The following RORA variants were observed in gnomAD, a reference collection of about 807,000 sequenced individuals.
RORA encodes RAR related orphan receptor A, also known as nuclear receptor ROR-alpha.
Under a neutral mutation model 69.5 loss-of-function variants are expected in RORA, and 7 were observed. That is an observed-to-expected ratio of 0.10 (90% CI 0.06 to 0.19). The LOEUF (loss-of-function observed/expected upper bound fraction) is 0.19. RORA is among the 10% of genes least tolerant of loss of function. The pLI, the probability that RORA is intolerant of heterozygous loss-of-function variation, is 1.00. For synonymous variants in RORA, 261 were observed against 240.8 expected, an observed-to-expected ratio of 1.08 and a Z score of -0.78; for missense variants, 457 against 663.0, an observed-to-expected ratio of 0.69 and a Z score of 3.41.
chr15:61,124,446 G>A (rs2140826517), intron 1 of RORA, among the ~76,000 whole-genome samples: 1 of 152,252 alleles, frequency 6.6e-6, no homozygotes, highest in South Asian at 2.1e-4. Flanking sequence ...AGAGCAGAGT[G>A]TGGAGTCTCA....
chr15:60,941,718 C>T (rs1003243585), intron 1 of RORA, among the ~76,000 whole-genome samples: 2 of 152,196 alleles, frequency 1.3e-5, no homozygotes, highest in Non-Finnish European at 2.9e-5. Context: ...CACTTTTTTA[C>T]GCAATTATGA....
chr15:61,189,780 C>A (rs1442607838), intron 1 of RORA, among the ~76,000 whole-genome samples: 2 of 129,402 alleles, frequency 1.5e-5, no homozygotes. Context: ...TGGCATGAAC[C>A]CAGGAGGCGG....
intron 1 of RORA, among the ~76,000 whole-genome samples, chr15:61,051,682 G>A (rs1365377848): frequency 1.3e-5 from 2 of 152,194 alleles, no homozygotes; most frequent in Non-Finnish European, 2.9e-5. Flanking sequence ...GCATCCCAGA[G>A]AGTGGGAGAG....
At chr15:61,186,395 C>T (rs901081418) in intron 1 of RORA, among the ~76,000 whole-genome samples, 6 of 152,028 alleles carry the variant, frequency 3.9e-5, no homozygotes, top group African/African-American at 1.4e-4. Flanking sequence ...AATCCCAGCA[C>T]TTTGGGAGGC....
At chr15:60,527,528 C>T (rs1265187117) in intron 3 of RORA, among the ~76,000 whole-genome samples, 1 of 152,122 alleles carries the variant, frequency 6.6e-6, no homozygotes, top group Non-Finnish European at 1.5e-5. Flanking sequence ...CACGTTATGC[C>T]CCCTCATCAT....
intron 1 of RORA, among the ~76,000 whole-genome samples, chr15:61,220,332 C>T (rs2080083698): frequency 1.3e-5 from 2 of 152,204 alleles, no homozygotes; most frequent in Non-Finnish European, 2.9e-5. Context: ...CCTGAGAGTA[C>T]ATGCTGTATT....
chr15:61,205,644 G>C (rs879681528), intron 1 of RORA, among the ~76,000 whole-genome samples: 1 of 152,216 alleles, frequency 6.6e-6, no homozygotes, highest in East Asian at 1.9e-4. Flanking sequence ...CCAGAAGAGT[G>C]AAGGAGCTGG....
intron 2 of RORA, among the ~76,000 whole-genome samples, chr15:60,572,005 T>A (rs1006241943): frequency 3.3e-5 from 5 of 151,968 alleles, no homozygotes; most frequent in Admixed American, 3.3e-4. Context: ...CACATAGGAG[T>A]AGCTCATGAA....
At chr15:61,198,055 C>T (rs767944538) in intron 1 of RORA, among the ~76,000 whole-genome samples, 8 of 152,118 alleles carry the variant, frequency 5.3e-5, no homozygotes, top group Non-Finnish European at 1.2e-4. Context: ...ATAAACGCAA[C>T]AGGGCCAGAC....
At chr15:61,037,997 T>C (rs922398175) in intron 1 of RORA, among the ~76,000 whole-genome samples, 1 of 152,220 alleles carries the variant, frequency 6.6e-6, no homozygotes, top group Non-Finnish European at 1.5e-5. Context: ...TCTCTGTCTC[T>C]GCATTAACAT....
chr15:61,059,988 G>GGAAGAAGGAGAAGAA (rs2078156018), intron 1 of RORA, among the ~76,000 whole-genome samples: 3 of 85,910 alleles, frequency 3.5e-5, no homozygotes, highest in African/African-American at 1.0e-4. Flanking sequence ...AAGAGGAAGA[G>GGAAGAAGGAGAAGAA]GAAGAAGAAG....
chr15:60,590,703 G>C (rs992267427), intron 2 of RORA, among the ~76,000 whole-genome samples: 4 of 151,932 alleles, frequency 2.6e-5, no homozygotes, highest in African/African-American at 9.7e-5. Context: ...TTTTTGGGGG[G>C]GTGGGGGAGA....
At chr15:61,018,689 G>A (rs1895393326) in intron 1 of RORA, among the ~76,000 whole-genome samples, 1 of 152,088 alleles carries the variant, frequency 6.6e-6, no homozygotes, top group Non-Finnish European at 1.5e-5. Context: ...TCATGGATAA[G>A]TACAGATGTA....
intron 1 of RORA, among the ~76,000 whole-genome samples, chr15:60,898,561 T>A (rs1052168866): frequency 6.6e-6 from 1 of 151,402 alleles, no homozygotes; most frequent in East Asian, 1.9e-4. Flanking sequence ...TAGTCAGGAC[T>A]GGTGGTACAC....
chr15:61,192,908 T>C (rs1360150548), intron 1 of RORA, among the ~76,000 whole-genome samples: 5 of 151,946 alleles, frequency 3.3e-5, no homozygotes, highest in African/African-American at 9.7e-5. Context: ...AAGGTACCTA[T>C]GGCAGTGATT....
At chr15:60,617,653 TACAG>T (rs1214591184) in intron 2 of RORA, among the ~76,000 whole-genome samples, 4 of 97,334 alleles carry the variant, frequency 4.1e-5, no homozygotes, top group South Asian at 7.0e-4. Flanking sequence ...CATACACACA[TACAG>T]ACAGAGAGAG....
intron 1 of RORA, among the ~76,000 whole-genome samples, chr15:61,155,414 T>C (rs983809658): frequency 3.9e-5 from 6 of 152,140 alleles, no homozygotes; most frequent in African/African-American, 2.4e-5. Context: ...ATCTTGAAAC[T>C]AGCCAAATCC....
chr15:60,626,210 A>G (rs997133062), intron 2 of RORA, among the ~76,000 whole-genome samples: 1 of 152,200 alleles, frequency 6.6e-6, no homozygotes, highest in African/African-American at 2.4e-5. Context: ...CAGGAAGCCC[A>G]CAAGCTGCAC....
chr15:60,791,951 A>G (rs1455517839), intron 1 of RORA, among the ~76,000 whole-genome samples: 1 of 152,216 alleles, frequency 6.6e-6, no homozygotes, highest in East Asian at 1.9e-4. Context: ...AGAAAAAAAA[A>G]AGCAGTAATA....
Sources: gnomAD v4.1 joint callset for allele counts (sites outside exome capture counted in the v4.1 genomes callset) on GRCh38, gnomAD v4.1.1 for gene constraint, MANE v1.5 for transcripts, NCBI Gene and HGNC (gene_info 2026-07-23, HGNC 2026-07-21) for gene names.